ZC3H7B: variants seen among roughly 807,000 people sequenced by gnomAD.
ZC3H7B encodes zinc finger CCCH-type containing 7B.
ZC3H7B carries 35 observed loss-of-function variants against 116.0 expected under a neutral mutation model. That is an observed-to-expected ratio of 0.30 (90% CI 0.23 to 0.40). The LOEUF is 0.40. Among genes scored for constraint, ZC3H7B ranks in the 10% least tolerant of loss-of-function variants. The pLI is 1.00. For synonymous variants in ZC3H7B, 502 were observed against 545.6 expected (o/e 0.92, Z 1.11); for missense variants, 1,011 against 1,321.5 (o/e 0.77, Z 3.64).
At chr22:41,313,945 G>A (rs1569230727) in intron 1 of ZC3H7B, among the ~76,000 whole-genome samples, 1 of 151,480 alleles carries the variant, frequency 6.6e-6, no homozygotes, top group Non-Finnish European at 1.5e-5. Context: ...TGTAGGGACG[G>A]GTTTTCACTA....
rs372438522 is a variant in ZC3H7B at position 41,346,999 on chromosome 22, G to T, written c.1665+791G>T. ...AAAAAAAAAAAATGTCATTTCCATCGTCACGGCAGTGCTGGCAGGCAGATA... is the reference window on the plus strand; with the variant it reads ...AAAAAAAAAAAATGTCATTTCCATCTTCACGGCAGTGCTGGCAGGCAGATA... On this transcript the variant is annotated intron_variant, in intron 14 of 22. Transcript: ENST00000352645. The surrounding 1 kb of genome is among the most constrained non-coding windows in gnomAD (Gnocchi z 5.3). Among the ~76,000 whole-genome samples the T allele has an allele frequency of 3.0e-4, 45 of 150,476 alleles. No individual in the cohort carries two copies. Among genetic ancestry groups the T allele is most frequent in the African/African-American group, 1.1e-3 (43 of 40,710 alleles).
At chr22:41,316,129 G>A (rs1237278421) in intron 1 of ZC3H7B, among the ~76,000 whole-genome samples, 3 of 151,922 alleles carry the variant, frequency 2.0e-5, no homozygotes, top group Middle Eastern at 3.4e-3. Context: ...GAGTAACTGG[G>A]ATTATAGGAA....
intron 5 of ZC3H7B, among the ~76,000 whole-genome samples, chr22:41,329,067 A>G (rs1157350087): frequency 7.5e-5 from 11 of 147,508 alleles, no homozygotes; most frequent in Admixed American, 2.7e-4. Flanking sequence ...TTAGCTGGGC[A>G]TGGTGGCACA....
chr22:41,356,215 G>GGCCCTGAGGCTGA, intron 20 of ZC3H7B, 128 bp from the exon 21 acceptor site: 1 of 1,519,602 alleles, frequency 6.6e-7, no homozygotes, highest in Non-Finnish European at 8.9e-7. Flanking sequence ...TCTGAGGCCA[G>GGCCCTGAGGCTGA]GCCCTGAGGC....
chr22:41,329,727 A>G (rs947226807), intron 5 of ZC3H7B, among the ~76,000 whole-genome samples: 1 of 152,216 alleles, frequency 6.6e-6, no homozygotes, highest in Non-Finnish European at 1.5e-5. Context: ...CTACAGTGAC[A>G]TTGTCACTTT....
At chr22:41,342,408 G>A (rs2036533646) in intron 11 of ZC3H7B, 121 bp from the exon 12 acceptor site, 1 of 845,506 alleles carries the variant, frequency 1.2e-6, no homozygotes, top group Admixed American at 2.1e-5. Context: ...CTGGGCTGTG[G>A]TTTTGCTCTT....
At chr22:41,334,397 G>T (rs550935772) in intron 7 of ZC3H7B, 2 of 152,120 alleles carry the variant, frequency 1.3e-5, no homozygotes, top group Non-Finnish European at 2.9e-5. Flanking sequence ...GGCCAAGGCC[G>T]CAAAGCCTTG....
In ZC3H7B at chr22:41,355,940, C is replaced by T. The variant is rs1045047784; in HGVS notation, c.2275-14C>T. ...CAGCGGGACTCAGAGGATCTCCCCA[C>T]GCCCACCCCACAGCTCTGCATCCAT... On this transcript the variant is annotated splice_polypyrimidine_tract_variant and intron_variant, in intron 19 of 22. Transcript: ENST00000352645. 2.3e-5 allele frequency: 37 copies of T among 1,597,492 alleles called. No individual in the cohort carries two copies. Among genetic ancestry groups the T allele is most frequent in the Non-Finnish European group, 3.2e-5 (37 of 1,171,372 alleles).
chr22:41,336,896 G>A (rs1315972053), intron 7 of ZC3H7B: 2 of 151,788 alleles, frequency 1.3e-5, no homozygotes, highest in African/African-American at 4.8e-5. Flanking sequence ...AGCACTTTGG[G>A]CGGTTGAGGG....
At chr22:41,316,063 G>A (rs991415148) in intron 1 of ZC3H7B, among the ~76,000 whole-genome samples, 4 of 149,726 alleles carry the variant, frequency 2.7e-5, no homozygotes, top group African/African-American at 9.9e-5. Flanking sequence ...GCGCTATCTC[G>A]GCTCACCACA....
intron 7 of ZC3H7B, chr22:41,335,018 C>G (rs1007032658): frequency 6.6e-6 from 1 of 152,148 alleles, no homozygotes; most frequent in Non-Finnish European, 1.5e-5. Flanking sequence ...AGGGCTTCAG[C>G]GAGCCAGGGA....
Position 41,356,828 on chromosome 22 carries a change from G to A in ZC3H7B, c.2681+20G>A, listed in dbSNP as rs1175401694. The A allele has an allele frequency of 5.6e-6, 9 of 1,612,598 alleles. No homozygotes were observed. The African/African-American group carries it at 1.2e-4, about 22-fold the overall frequency. ...CGACAGGTGCTCCTGGGAGGGCAGG[G>A]CCTGGCGGGACATGGGGTGGCCCGA... On this transcript the variant is annotated intron_variant, in intron 22 of 22. Transcript: ENST00000352645.
chr22:41,330,210 A>T, intron 6 of ZC3H7B, 107 bp downstream of exon 6: 1 of 1,126,564 alleles, frequency 8.9e-7, no homozygotes, highest in Non-Finnish European at 1.3e-6. Context: ...GGGCTGGGTT[A>T]GGACAGAGGG....
chr22:41,319,356 G>A (rs958679216), intron 1 of ZC3H7B, among the ~76,000 whole-genome samples: 20 of 151,328 alleles, frequency 1.3e-4, no homozygotes, highest in East Asian at 7.8e-4. Flanking sequence ...AGCCAAGATC[G>A]CGCCACTGCA....
In ZC3H7B at chr22:41,359,371, TAAAG is replaced by T. The variant is rs991909995; in HGVS notation, c.*1945_*1948del. 1.3e-5 allele frequency: 2 copies of T among 152,318 alleles called. No homozygotes were observed. The highest frequency in any genetic ancestry group is 4.8e-5 in the African/African-American group (2 of 41,422). 9.4% of individuals were successfully genotyped at this position (152,318 alleles called of 1,614,324 possible). A position where few individuals can be genotyped will look rare whatever the true frequency, so the allele number is the denominator to read the frequency against. ...GAATCACTTTTATGAGGGCTAAAGA[TAAAG>T]AATTTGGCCAGAAAATGCAGCCATC... On this transcript the variant is annotated 3_prime_UTR_variant, in exon 23 of 23. Coordinates refer to ENST00000352645, the MANE Select transcript of ZC3H7B (RefSeq NM_017590.6).
At chr22:41,337,258 G>A (rs138818147) in intron 7 of ZC3H7B, among the ~76,000 whole-genome samples, 7,229 of 152,084 alleles carry the variant, frequency 0.048, 241 homozygotes, top group Middle Eastern at 0.1. Context: ...AACCCGGGAG[G>A]TAGAGGTTGC....
chr22:41,304,752 C>T (rs559146018), intron 1 of ZC3H7B, among the ~76,000 whole-genome samples: 9 of 152,284 alleles, frequency 5.9e-5, no homozygotes, highest in Non-Finnish European at 8.8e-5. Context: ...TACATTCTCT[C>T]GAATTGTTAT....
intron 12 of ZC3H7B, among the ~76,000 whole-genome samples, chr22:41,343,149 G>A (rs953061497): frequency 3.3e-5 from 5 of 152,188 alleles, no homozygotes; most frequent in Non-Finnish European, 5.9e-5. Flanking sequence ...CTCCAGCCTG[G>A]GTGACTGAGT....
chr22:41,330,892 G>A (rs571174388), intron 6 of ZC3H7B, among the ~76,000 whole-genome samples: 3 of 132,754 alleles, frequency 2.3e-5, no homozygotes, highest in African/African-American at 5.8e-5. Context: ...ACGGACTCTC[G>A]CTCTGTCACC....
Sources: gnomAD v4.1 joint callset for allele counts (sites outside exome capture counted in the v4.1 genomes callset) on GRCh38, gnomAD v4.1.1 for gene constraint, Gnocchi (gnomAD v3.1) non-coding constraint, MANE v1.5 for transcripts, NCBI Gene and HGNC (gene_info 2026-07-23, HGNC 2026-07-21) for gene names.